Variants in CLPB observed in about 807,000 individuals in gnomAD.
The protein encoded by CLPB is ClpB family mitochondrial disaggregase.
In CLPB, 40 loss-of-function variants were observed where a neutral mutation model predicts 78.4. That is an observed-to-expected ratio of 0.51 (90% CI 0.40 to 0.66). The LOEUF (loss-of-function observed/expected upper bound fraction) is 0.66, where lower values mean the gene tolerates loss of function less well. Among genes scored for constraint, CLPB ranks in the 30% least tolerant of loss-of-function variants. The pLI, the probability that CLPB is intolerant of heterozygous loss-of-function variation, is 0.00. For missense variants in CLPB, 780 were observed against 886.9 expected (o/e 0.88, Z 1.53); for synonymous variants, 333 against 348.0 (o/e 0.96, Z 0.48).
At chr11:72,308,467 G>T in intron 8 of CLPB, 60 bp downstream of exon 8, 1 of 1,497,778 alleles carries the variant, frequency 6.7e-7, no homozygotes, top group Non-Finnish European at 9.3e-7. Flanking sequence ...GGGGCTGTCA[G>T]ACTTGGGCCG....
intron 1 of CLPB, among the ~76,000 whole-genome samples, chr11:72,433,779 A>C (rs1009229271): frequency 2.5e-4 from 38 of 151,904 alleles, no homozygotes; most frequent in African/African-American, 9.2e-4. Context: ...GAATATGAGA[A>C]ACATAAGGGG....
chr11:72,322,605 A>G (rs1950063620), intron 6 of CLPB, among the ~76,000 whole-genome samples: 1 of 152,192 alleles, frequency 6.6e-6, no homozygotes, highest in Admixed American at 6.5e-5. Context: ...AGGAGAGGAG[A>G]AAGAACGATG....
chr11:72,300,206 T>C (rs1949630078), intron 11 of CLPB, among the ~76,000 whole-genome samples: 2 of 152,184 alleles, frequency 1.3e-5, no homozygotes, highest in African/African-American at 4.8e-5. Context: ...TTACTTTGCT[T>C]CAGTTTCCAC....
intron 5 of CLPB, among the ~76,000 whole-genome samples, chr11:72,339,759 AGT>A (rs1950385898): frequency 6.6e-6 from 1 of 152,214 alleles, no homozygotes. Flanking sequence ...TTATTTCAGT[AGT>A]ATCTTGTGCT....
chr11:72,354,407 G>T, intron 5 of CLPB: 1 of 398,288 alleles, frequency 2.5e-6, no homozygotes, highest in Non-Finnish European at 4.4e-6. Context: ...AAGAAAAACG[G>T]CCATGATTAG....
chr11:72,366,694 C>A (rs916985679), intron 4 of CLPB, among the ~76,000 whole-genome samples: 4 of 152,096 alleles, frequency 2.6e-5, no homozygotes, highest in African/African-American at 9.7e-5. Flanking sequence ...AAATCAAACC[C>A]ACAATGAGAT....
rs555905659 is a variant in CLPB, at chr11:72,307,395, C to T, written c.1067-141G>A. The T allele has an allele frequency of 1.2e-4, 85 of 710,582 alleles. 1 individual carries two copies. In the South Asian group the frequency reaches 1.5e-3, roughly 12 times the overall value. The allele number at this position is 710,582 out of a possible 1,614,324, so 44.0% of individuals were successfully genotyped here. A position where few individuals can be genotyped will look rare whatever the true frequency, so the allele number is the denominator to read the frequency against. The stretch of plus-strand genomic sequence containing the variant: ...TGAGGCGCAGAAAGGATCAGCGACT[C>T]TCCCACAGTCACCTAGGGAGTTAAT... On this transcript the variant is annotated intron_variant, in intron 8 of 15. Transcript: ENST00000538039.
At chr11:72,391,604 G>A (rs1189790289) in intron 3 of CLPB, among the ~76,000 whole-genome samples, 1 of 152,206 alleles carries the variant, frequency 6.6e-6, no homozygotes, top group African/African-American at 2.4e-5. Flanking sequence ...AGAGAAAGGT[G>A]GACAGCAGCT....
intron 3 of CLPB, among the ~76,000 whole-genome samples, chr11:72,400,812 A>T (rs1855539090): frequency 6.6e-6 from 1 of 152,194 alleles, no homozygotes; most frequent in Non-Finnish European, 1.5e-5. Context: ...TATGGTGAGG[A>T]TCTACTATGC....
At chr11:72,415,935 G>C (rs753928580) in intron 2 of CLPB, among the ~76,000 whole-genome samples, 9 of 152,182 alleles carry the variant, frequency 5.9e-5, no homozygotes, top group Non-Finnish European at 8.8e-5. Context: ...GGATGAGGAG[G>C]AGACTTGAAA....
At chr11:72,433,212 A>G (rs1360742740) in intron 1 of CLPB, among the ~76,000 whole-genome samples, 1 of 152,182 alleles carries the variant, frequency 6.6e-6, no homozygotes, top group Non-Finnish European at 1.5e-5. Flanking sequence ...AACTCCAAAA[A>G]GAGTCAAAAT....
intron 2 of CLPB, among the ~76,000 whole-genome samples, chr11:72,408,666 CAAAAAAA>C (rs576990524): frequency 3.1e-4 from 20 of 64,262 alleles, no homozygotes; most frequent in African/African-American, 4.6e-4. Context: ...GACTCTGTCT[CAAAAAAA>C]AAAAAAAAAA....
intron 4 of CLPB, among the ~76,000 whole-genome samples, chr11:72,359,781 T>C (rs374296416): frequency 7.0e-4 from 107 of 152,330 alleles, no homozygotes; most frequent in African/African-American, 2.5e-3. Flanking sequence ...ATTTTTACCC[T>C]TATTACCTGT....
chr11:72,426,565 G>A (rs928693145), intron 2 of CLPB, among the ~76,000 whole-genome samples: 2 of 152,170 alleles, frequency 1.3e-5, no homozygotes, highest in African/African-American at 2.4e-5. Flanking sequence ...GAGGGAGCGA[G>A]GGAGGGAGGA....
At chr11:72,408,666 C>CAA (rs576990524) in intron 2 of CLPB, among the ~76,000 whole-genome samples, 50 of 64,058 alleles carry the variant, frequency 7.8e-4, no homozygotes, top group South Asian at 1.1e-3. Flanking sequence ...GACTCTGTCT[C>CAA]AAAAAAAAAA....
At chr11:72,426,253 G>A (rs553220665) in intron 2 of CLPB, among the ~76,000 whole-genome samples, 3 of 152,288 alleles carry the variant, frequency 2.0e-5, no homozygotes, top group Admixed American at 2.0e-4. Context: ...TTGTGCTGAA[G>A]GAAATGTGAT....
rs562467092 is a variant in CLPB, at chr11:72,433,663, G to C, written c.403+409C>G. 6.6e-5 allele frequency among the ~76,000 whole-genome samples: 10 copies of C among 152,206 alleles called. No individual in the cohort carries two copies. In the South Asian group the frequency reaches 1.7e-3, roughly 25 times the overall value. On this transcript the variant is annotated intron_variant, in intron 1 of 15. Transcript: ENST00000538039. ...TGGCACCTTTGGTGGCGGGGGGTAG[G>C]GGGGAGCGGTTTGGCAACTTCTCTA...
At chr11:72,390,429 CTG>C in intron 3 of CLPB, among the ~76,000 whole-genome samples, 1 of 132,106 alleles carries the variant, frequency 7.6e-6, no homozygotes, top group Non-Finnish European at 1.6e-5. Flanking sequence ...CAGAGTGAGA[CTG>C]TCTCAAAAAA....
chr11:72,347,766 GA>G (rs1320130791), intron 5 of CLPB, among the ~76,000 whole-genome samples: 1 of 152,222 alleles, frequency 6.6e-6, no homozygotes, highest in Non-Finnish European at 1.5e-5. Flanking sequence ...GTTGCAGATA[GA>G]ATTGATGTTG....
Sources: gnomAD v4.1 joint callset for allele counts (sites outside exome capture counted in the v4.1 genomes callset) on GRCh38, gnomAD v4.1.1 for gene constraint, MANE v1.5 for transcripts, NCBI Gene and HGNC (gene_info 2026-07-23, HGNC 2026-07-21) for gene names.